FMN1: variants seen among roughly 807,000 people sequenced by gnomAD.
FMN1 encodes formin-1.
A neutral mutation model predicts 132.4 loss-of-function variants in FMN1; 110 were observed. The ratio of observed to expected loss-of-function variants is 0.83; its 90% CI spans 0.71 to 0.97. The LOEUF is 0.97. FMN1 is among the 50% of genes least tolerant of loss of function. FMN1 has a pLI of 0.00. For missense variants in FMN1, 1,792 were observed against 1,705.3 expected, an observed-to-expected ratio of 1.05 and a Z score of -0.90; for synonymous variants, 722 against 651.7, an observed-to-expected ratio of 1.11 and a Z score of -1.64.
intron 17 of FMN1, among the ~76,000 whole-genome samples, chr15:32,835,182 T>C (rs191655858): frequency 3.9e-5 from 6 of 152,280 alleles, no homozygotes; most frequent in Non-Finnish European, 7.4e-5. Flanking sequence ...TCACCCAGCC[T>C]AGCTGGGATA....
intron 3 of FMN1, among the ~76,000 whole-genome samples, chr15:33,172,649 T>G (rs1393337448): frequency 6.6e-6 from 1 of 152,186 alleles, no homozygotes; most frequent in African/African-American, 2.4e-5. Flanking sequence ...CTCATAAGGT[T>G]GTTACCTTCA....
chr15:32,836,694 CTCTT>C (rs1032652983), intron 17 of FMN1, among the ~76,000 whole-genome samples: 2 of 151,848 alleles, frequency 1.3e-5, no homozygotes, highest in South Asian at 2.1e-4. Flanking sequence ...CTCAGTCTCT[CTCTT>C]TTTTTTTAGA....
chr15:32,828,967 T>C (rs1053135676), intron 17 of FMN1, among the ~76,000 whole-genome samples: 1 of 152,220 alleles, frequency 6.6e-6, no homozygotes, highest in Non-Finnish European at 1.5e-5. Flanking sequence ...CTGGCACCTA[T>C]GTATATTTGC....
chr15:33,060,947 A>G (rs2037454168), intron 6 of FMN1, among the ~76,000 whole-genome samples: 1 of 152,196 alleles, frequency 6.6e-6, no homozygotes, highest in African/African-American at 2.4e-5. Flanking sequence ...AAATGTCTTA[A>G]TAATGAGAAA....
chr15:33,162,348 G>A (rs1332018320), intron 3 of FMN1, among the ~76,000 whole-genome samples: 2 of 151,802 alleles, frequency 1.3e-5, no homozygotes, highest in East Asian at 3.9e-4. Context: ...GAGTAAGAAC[G>A]TAGGAATAAT....
intron 6 of FMN1, among the ~76,000 whole-genome samples, chr15:33,016,379 A>T (rs2035046871): frequency 6.6e-6 from 1 of 152,228 alleles, no homozygotes; most frequent in Non-Finnish European, 1.5e-5. Flanking sequence ...GAGCTTTCAT[A>T]TTTAATAAGC....
chr15:33,183,227 T>C (rs1965764240), intron 2 of FMN1, among the ~76,000 whole-genome samples: 1 of 152,206 alleles, frequency 6.6e-6, no homozygotes, highest in African/African-American at 2.4e-5. Flanking sequence ...AGCTTCCTCA[T>C]TTATAAAATG....
At chr15:32,792,235 T>A (rs1427933576) in intron 19 of FMN1, among the ~76,000 whole-genome samples, 1 of 145,132 alleles carries the variant, frequency 6.9e-6, no homozygotes, top group Non-Finnish European at 1.5e-5. Flanking sequence ...GTCAGGAGAT[T>A]GAGACCATCC....
chr15:32,883,413 G>C (rs576455959), intron 16 of FMN1, among the ~76,000 whole-genome samples: 1 of 149,254 alleles, frequency 6.7e-6, no homozygotes, highest in East Asian at 2.0e-4. Context: ...AGGAGGCTGA[G>C]GTAGGAGGAT....
chr15:33,153,024 A>G, intron 4 of FMN1, 24 bp downstream of exon 4: 1 of 1,475,088 alleles, frequency 6.8e-7, no homozygotes, highest in Non-Finnish European at 8.9e-7. Flanking sequence ...GAATAGATTC[A>G]AAGCATCTTA....
chr15:33,044,869 C>T (rs955006076), intron 6 of FMN1, among the ~76,000 whole-genome samples: 4 of 152,262 alleles, frequency 2.6e-5, no homozygotes, highest in African/African-American at 9.6e-5. Context: ...CTCCCCCCTC[C>T]ACTTGTCCAT....
intron 5 of FMN1, among the ~76,000 whole-genome samples, chr15:33,072,229 A>G (rs530095728): frequency 1.3e-5 from 2 of 152,340 alleles, no homozygotes; most frequent in Admixed American, 1.3e-4. Flanking sequence ...TCACCTATAC[A>G]ATATGTTTTC....
chr15:33,053,121 G>T (rs546154609), intron 6 of FMN1, among the ~76,000 whole-genome samples: 2 of 152,280 alleles, frequency 1.3e-5, no homozygotes, highest in Admixed American at 1.3e-4. Context: ...ACAAGAGCTT[G>T]GGACCCACTG....
chr15:32,950,652 C>T (rs1375040198), intron 9 of FMN1, among the ~76,000 whole-genome samples: 3 of 152,046 alleles, frequency 2.0e-5, no homozygotes, highest in Non-Finnish European at 2.9e-5. Flanking sequence ...AACACATGGA[C>T]ACACAGAGGA....
chr15:32,814,512 C>T (rs1567211443), intron 17 of FMN1, among the ~76,000 whole-genome samples: 1 of 152,142 alleles, frequency 6.6e-6, no homozygotes, highest in Non-Finnish European at 1.5e-5. Context: ...AGACAGCAGA[C>T]ACCATTTAGG....
At chr15:33,061,999 A>G (rs963951124) in intron 6 of FMN1, among the ~76,000 whole-genome samples, 2 of 152,178 alleles carry the variant, frequency 1.3e-5, no homozygotes, top group African/African-American at 4.8e-5. Context: ...AAATTATATA[A>G]TGAAAGGACA....
At chr15:33,069,583 T>G (rs1257061033) in intron 5 of FMN1, among the ~76,000 whole-genome samples, 1 of 152,244 alleles carries the variant, frequency 6.6e-6, no homozygotes, top group African/African-American at 2.4e-5. Context: ...ACTTGAGCCA[T>G]GTTCTTCAGT....
chr15:32,779,743 C>G (rs1245141048), intron 19 of FMN1, among the ~76,000 whole-genome samples: 1 of 152,186 alleles, frequency 6.6e-6, no homozygotes, highest in Non-Finnish European at 1.5e-5. Flanking sequence ...TTGAATTAAA[C>G]TTAATTTTCA....
intron 4 of FMN1, among the ~76,000 whole-genome samples, chr15:33,124,572 G>C (rs1420457254): frequency 6.6e-6 from 1 of 152,048 alleles, no homozygotes; most frequent in South Asian, 2.1e-4. Flanking sequence ...GAGTAGGAAA[G>C]CCCTTGGTCT....
Sources: allele counts gnomAD v4.1 joint callset (sites outside exome capture counted in the v4.1 genomes callset), GRCh38; gene constraint gnomAD v4.1.1; transcripts MANE v1.5; gene names NCBI Gene and HGNC (gene_info 2026-07-23, HGNC 2026-07-21).